ALPL: variants seen among roughly 807,000 people sequenced by gnomAD.
ALPL encodes the protein alkaline phosphatase, biomineralization associated, also known as alkaline phosphatase, tissue-nonspecific isozyme.
In ALPL, 42 loss-of-function variants were observed where a neutral mutation model predicts 51.3. The observed-to-expected ratio is 0.82, with a 90% CI of 0.64 to 1.06. The LOEUF (loss-of-function observed/expected upper bound fraction) is 1.06. ALPL is among the 50% of genes least tolerant of loss of function. The probability of loss-of-function intolerance (pLI) is 0.00; values close to 1 mark genes in which losing one functional copy is unlikely to be tolerated. For missense variants in ALPL, 589 were observed against 709.4 expected (o/e 0.83, Z 1.93); for synonymous variants, 279 against 296.4 (o/e 0.94, Z 0.60).
chr1:21,509,839 C>T lies in ALPL; in HGVS notation c.-105+322C>T, dbSNP rs1049290308. The stretch of plus-strand genomic sequence containing the variant: ...GGTCTCCTACCTCCCGAGCCGCTGC[C>T]TGGGACCCTGCGCTCTGTCTGGGCA... On this transcript the variant is annotated intron_variant, in intron 1 of 11. Transcript: ENST00000374840. The surrounding 1 kb of genome is among the most constrained non-coding windows in gnomAD (Gnocchi z 6.0). Among the ~76,000 whole-genome samples the T allele has an allele frequency of 4.6e-5, 7 of 152,178 alleles. No individual in the cohort carries two copies. Among genetic ancestry groups the T allele is most frequent in the Non-Finnish European group, 7.4e-5 (5 of 68,026 alleles).
At chr1:21,532,862 A>AC (rs1644048816) in intron 1 of ALPL, among the ~76,000 whole-genome samples, 1 of 152,226 alleles carries the variant, frequency 6.6e-6, no homozygotes, top group African/African-American at 2.4e-5. Flanking sequence ...GAGTCAGGAC[A>AC]CCAGGGTGCC....
intron 1 of ALPL, among the ~76,000 whole-genome samples, chr1:21,521,243 G>T (rs907649584): frequency 6.6e-6 from 1 of 151,846 alleles, no homozygotes; most frequent in Admixed American, 6.6e-5. Flanking sequence ...GTAGTACAAC[G>T]GCGCGATCTC....
In ALPL at chr1:21,554,132, C is replaced by G; in HGVS notation, c.51C>G (p.Ser17=). The G allele has an allele frequency of 4.3e-6, 7 of 1,613,664 alleles. No individual in the cohort carries two copies. Among genetic ancestry groups the G allele is most frequent in the Non-Finnish European group, 5.9e-6 (7 of 1,179,868 alleles). ...CCATTGGCACCTGCCTTACTAACTC[C>G]TTAGTGCCAGGTATGCTTGGGGACA... ...VLAIGTCLTN[S]LVPEKEKDPK... Residue 17 remains serine, a synonymous_variant, in exon 2 of 12, where the codon TCC becomes TCG. Transcript: ENST00000374840.
chr1:21,577,406 T>C lies in ALPL; in HGVS notation c.1333T>C (p.Ser445Pro), dbSNP rs1553415041. Reference protein sequence around the residue: ...DYAHNNYQAQSAVPLRHETHG... With the variant: ...DYAHNNYQAQPAVPLRHETHG... ...AGCTCACAACAACTACCAGGCGCAG[T>C]CTGCTGTGCCCCTGCGCCACGAGAC... The change falls in exon 12 of 12, where the codon TCT becomes CCT. Residue 445 changes from serine to proline, a missense_variant. Physicochemically the swap from Ser to Pro is moderately conservative, Grantham distance 74 (BLOSUM62 -1). Coordinates refer to ENST00000374840, the MANE Select transcript of ALPL (RefSeq NM_000478.6). 3 of 1,613,302 alleles carry C rather than the reference T, an allele frequency of 1.9e-6. No homozygotes were observed. Among genetic ancestry groups the C allele is most frequent in the Non-Finnish European group, 2.5e-6 (3 of 1,179,956 alleles).
chr1:21,555,922 C>T (rs1002962184), intron 2 of ALPL, among the ~76,000 whole-genome samples: 2 of 151,866 alleles, frequency 1.3e-5, no homozygotes, highest in Non-Finnish European at 2.9e-5. Context: ...AGGTGCCCGC[C>T]ACCACGCGCA....
chr1:21,536,956 GC>G (rs1329632607), intron 1 of ALPL, among the ~76,000 whole-genome samples: 1 of 146,276 alleles, frequency 6.8e-6, no homozygotes. Flanking sequence ...GAGTGCAGTG[GC>G]GCGATCTTGG....
intron 1 of ALPL, among the ~76,000 whole-genome samples, chr1:21,515,059 C>T (rs543662211): frequency 6.6e-6 from 1 of 152,168 alleles, no homozygotes; most frequent in Non-Finnish European, 1.5e-5. Flanking sequence ...TCCTCCTCCA[C>T]TCCAGCTTGT....
At chr1:21,531,986 G>A (rs780618465) in intron 1 of ALPL, among the ~76,000 whole-genome samples, 11 of 146,562 alleles carry the variant, frequency 7.5e-5, no homozygotes, top group Non-Finnish European at 1.3e-4. Flanking sequence ...GTGGTATTTT[G>A]TTCTGTTGTT....
intron 5 of ALPL, among the ~76,000 whole-genome samples, chr1:21,563,804 A>G (rs987984727): frequency 1.3e-5 from 2 of 152,172 alleles, no homozygotes; most frequent in African/African-American, 4.8e-5. Flanking sequence ...CCAGGTGCTC[A>G]CATCTCAAGG....
intron 8 of ALPL, 111 bp from the exon 9 acceptor site, chr1:21,573,554 C>G: frequency 7.2e-7 from 1 of 1,394,416 alleles, no homozygotes. Context: ...ATACTCTACC[C>G]CAAGCTGGCT....
At chr1:21,539,294 G>A (rs573082648) in intron 1 of ALPL, among the ~76,000 whole-genome samples, 5 of 152,274 alleles carry the variant, frequency 3.3e-5, no homozygotes, top group Admixed American at 1.3e-4. Flanking sequence ...TTACCTTGAA[G>A]GTTGTTGTGG....
intron 1 of ALPL, among the ~76,000 whole-genome samples, chr1:21,535,888 A>T (rs938180116): frequency 6.6e-6 from 1 of 152,168 alleles, no homozygotes; most frequent in Non-Finnish European, 1.5e-5. Flanking sequence ...TAGCAGAGGG[A>T]CCTAGGGCAA....
chr1:21,551,564 G>A (rs1644321050), intron 1 of ALPL: 1 of 150,844 alleles, frequency 6.6e-6, no homozygotes, highest in Non-Finnish European at 1.5e-5. Flanking sequence ...AAAAAAAAAT[G>A]TAGGAATCAT....
intron 1 of ALPL, among the ~76,000 whole-genome samples, chr1:21,529,626 T>C (rs1697407): frequency 0.93 from 142,233 of 152,282 alleles, 66,599 homozygotes; most frequent in East Asian, 1. Context: ...TAATTTATTC[T>C]ACTTATGTGT....
intron 4 of ALPL, among the ~76,000 whole-genome samples, chr1:21,561,596 C>T (rs533036299): frequency 5.9e-5 from 9 of 151,784 alleles, no homozygotes; most frequent in African/African-American, 9.7e-5. Flanking sequence ...TGGGCTTAAG[C>T]GATCCTACAG....
chr1:21,538,454 C>T (rs1363749890), intron 1 of ALPL, among the ~76,000 whole-genome samples: 1 of 152,212 alleles, frequency 6.6e-6, no homozygotes, highest in Non-Finnish European at 1.5e-5. Context: ...GGAACACCCG[C>T]GTCCTTCCTC....
chr1:21,548,269 A>G (rs1431062630), intron 1 of ALPL, among the ~76,000 whole-genome samples: 1 of 152,112 alleles, frequency 6.6e-6, no homozygotes. Flanking sequence ...TGCGAGGGGG[A>G]GGGGTCCTAG....
chr1:21,547,818 C>A (rs1358025841), intron 1 of ALPL, among the ~76,000 whole-genome samples: 1 of 152,228 alleles, frequency 6.6e-6, no homozygotes, highest in African/African-American at 2.4e-5. Context: ...CTGAGTGGAA[C>A]ATGAGGGCCT....
rs751404811 is a variant in ALPL, at chr1:21,575,900, AC to A, written c.1171del (p.Arg391ValfsTer12). 11 of 1,613,670 alleles carry A rather than the reference AC, an allele frequency of 6.8e-6. No homozygotes were observed. Among genetic ancestry groups the A allele is most frequent in the Non-Finnish European group, 8.5e-6 (10 of 1,179,958 alleles). The part of the protein sequence containing the change: ...HSHVFTFGGY[T>X]PRGNSIFGLA... ...CCACGTCTTCACATTTGGTGGATAC[AC>A]CCCCCGTGGCAACTCTATCTTTGGT... On this transcript the variant is annotated frameshift_variant, in exon 10 of 12. Coordinates refer to ENST00000374840, the MANE Select transcript of ALPL (RefSeq NM_000478.6). LOFTEE classifies it high-confidence loss of function.
Sources: gnomAD v4.1 joint callset for allele counts (sites outside exome capture counted in the v4.1 genomes callset) on GRCh38, gnomAD v4.1.1 for gene constraint, Gnocchi (gnomAD v3.1) non-coding constraint, MANE v1.5 for transcripts, NCBI Gene and HGNC (gene_info 2026-07-23, HGNC 2026-07-21) for gene names.